DCHS2: variants seen among roughly 807,000 people sequenced by gnomAD.
DCHS2 encodes the protein protocadherin-23.
A neutral mutation model predicts 182.4 loss-of-function variants in DCHS2; 142 were observed. The observed-to-expected ratio is 0.78, with a 90% CI of 0.68 to 0.89. DCHS2 has a LOEUF of 0.89. Ranked by LOEUF, DCHS2 falls within the 40% of genes least tolerant of loss-of-function variation. DCHS2 has a pLI of 0.00. For missense variants in DCHS2, 4,319 were observed against 4,198.6 expected (o/e 1.03, Z -0.79); for synonymous variants, 1,740 against 1,663.3 (o/e 1.05, Z -1.12).
At chr4:154,274,561 T>C (rs937555596) in intron 13 of DCHS2, among the ~76,000 whole-genome samples, 3 of 152,210 alleles carry the variant, frequency 2.0e-5, no homozygotes, top group Non-Finnish European at 2.9e-5. Flanking sequence ...TTAGTTTTGC[T>C]TTGAAAATTT....
chr4:154,296,134 T>C (rs1734913525), intron 13 of DCHS2, among the ~76,000 whole-genome samples: 1 of 151,644 alleles, frequency 6.6e-6, no homozygotes, highest in South Asian at 2.1e-4. Context: ...TCATGGACTA[T>C]GATTGCTGAT....
intron 3 of DCHS2, among the ~76,000 whole-genome samples, chr4:154,351,704 T>G (rs1335673889): frequency 6.6e-6 from 1 of 152,164 alleles, no homozygotes; most frequent in South Asian, 2.1e-4. Context: ...AGGCATTAGT[T>G]AGATTCTCAT....
rs930602312 is a variant in DCHS2, at chr4:154,490,999, G to A, written c.357C>T (p.His119=). 3.9e-6 allele frequency: 6 copies of A among 1,550,358 alleles called. No homozygotes were observed. In the African/African-American group the frequency reaches 8.2e-5, roughly 21 times the overall value. Residue 119 remains histidine, a synonymous_variant, in exon 1 of 20, where the codon CAC becomes CAT. Coordinates refer to ENST00000357232, the MANE Select transcript of DCHS2 (RefSeq NM_001358235.2). ...DSPLLDDFHV[H]PDTGIIRTAR... ...CAGTGCGGATGATGCCGGTGTCCGG[G>A]TGCACGTGGAAGTCGTCCAGCAGCG...
At chr4:154,455,070 C>G (rs1734707879) in intron 1 of DCHS2, among the ~76,000 whole-genome samples, 1 of 152,204 alleles carries the variant, frequency 6.6e-6, no homozygotes, top group South Asian at 2.1e-4. Context: ...TATAAACTTT[C>G]AATTACCTGT....
At chr4:154,293,553 C>T (rs1466029023) in intron 13 of DCHS2, among the ~76,000 whole-genome samples, 4 of 152,122 alleles carry the variant, frequency 2.6e-5, no homozygotes. Flanking sequence ...CAGGTATAAA[C>T]AACCCCCAGG....
intron 1 of DCHS2, among the ~76,000 whole-genome samples, chr4:154,472,590 GA>G (rs1735516272): frequency 6.6e-6 from 1 of 152,168 alleles, no homozygotes; most frequent in Non-Finnish European, 1.5e-5. Context: ...AACTGCAAGA[GA>G]AAGACTCATT....
chr4:154,298,326 G>T lies in DCHS2; in HGVS notation c.5988C>A (p.Asp1996Glu), dbSNP rs1735043189. ...ATGTATGCTGAGATCTGGCTTCACGGTCGAGGGTGTTGCTGGTTTTCAATG... is the reference window on the plus strand; with the variant it reads ...ATGTATGCTGAGATCTGGCTTCACGTTCGAGGGTGTTGCTGGTTTTCAATG... ...SGTLKTSNTL[D>E]REARSQHTFS... Residue 1996 changes from aspartate (D) to glutamate (E), a missense_variant, in exon 13 of 20, where the codon GAC (aspartate) becomes GAA (glutamate). Physicochemically the swap from Asp to Glu is conservative, Grantham distance 45. Coordinates refer to ENST00000357232, the MANE Select transcript of DCHS2 (RefSeq NM_001358235.2). 11 of 1,614,146 alleles carry T rather than the reference G, an allele frequency of 6.8e-6. No individual in the cohort carries two copies. The highest frequency in any genetic ancestry group is 1.1e-5 in the South Asian group (1 of 91,080).
rs768810345 is a variant in DCHS2, at chr4:154,259,506, A to ACACC, written c.6789+38_6789+39insGGTG. The ACACC allele has an allele frequency of 1.3e-4, 196 of 1,520,720 alleles. 1 individual carries two copies. The South Asian group carries it at 2.4e-3, about 19-fold the overall frequency. The allele number at this position is 1,520,720 out of a possible 1,614,324, so 94.2% of individuals were successfully genotyped here. A position where few individuals can be genotyped will look rare whatever the true frequency, so the allele number is the denominator to read the frequency against. ...CTCTCTCACACAGACACACCCACAC[A>ACACC]CACACACACACACACACACACAAAT... On this transcript the variant is annotated intron_variant, in intron 15 of 19. Transcript: ENST00000357232.
chr4:154,345,709 G>T (rs1578991102), intron 3 of DCHS2, among the ~76,000 whole-genome samples: 1 of 152,130 alleles, frequency 6.6e-6, no homozygotes, highest in Non-Finnish European at 1.5e-5. Flanking sequence ...CAAGGACTGT[G>T]TCTGTCTCAT....
chr4:154,240,287 GGACTACAACCTC>G (rs1196972889), intron 18 of DCHS2, among the ~76,000 whole-genome samples: 1 of 141,596 alleles, frequency 7.1e-6, no homozygotes, highest in Non-Finnish European at 1.5e-5. Flanking sequence ...ATGACAAACT[GGACTACAACCTC>G]TAAAAACTAA....
intron 12 of DCHS2, among the ~76,000 whole-genome samples, chr4:154,304,123 A>G (rs1455297146): frequency 6.6e-6 from 1 of 151,628 alleles, no homozygotes; most frequent in Non-Finnish European, 1.5e-5. Context: ...GATGGGAGCC[A>G]TTGGCATCCC....
Position 154,305,231 on chromosome 4 carries a change from CCTT to C in DCHS2, c.5261-3_5261-1del. On this transcript the variant is annotated splice_acceptor_variant and splice_polypyrimidine_tract_variant and intron_variant, in intron 10 of 19. Coordinates refer to ENST00000357232, the MANE Select transcript of DCHS2 (RefSeq NM_001358235.2). LOFTEE classifies it high-confidence loss of function. ...TTCAAACTGAAGCTTGGAATTGACT[CCTT>C]AAGAAAAATATAAAGAAAAACTTAG... The C allele has an allele frequency of 6.2e-7, 1 of 1,601,010 alleles. No individual in the cohort carries two copies. Among genetic ancestry groups the C allele is most frequent in the Non-Finnish European group, 8.5e-7 (1 of 1,176,354 alleles).
intron 1 of DCHS2, among the ~76,000 whole-genome samples, chr4:154,422,369 C>T (rs1733147250): frequency 6.6e-6 from 1 of 152,196 alleles, no homozygotes; most frequent in Non-Finnish European, 1.5e-5. Context: ...TCAAGACATA[C>T]TGGTCAGAAA....
chr4:154,282,290 G>A (rs1578907375), intron 13 of DCHS2, among the ~76,000 whole-genome samples: 1 of 151,950 alleles, frequency 6.6e-6, no homozygotes, highest in African/African-American at 2.4e-5. Context: ...TCTGATGAGA[G>A]GTTAATATCC....
chr4:154,304,940 T>C (rs1229363608), intron 11 of DCHS2, 62 bp from the exon 12 acceptor site: 7 of 1,531,764 alleles, frequency 4.6e-6, no homozygotes, highest in Non-Finnish European at 6.1e-6. Context: ...AAATATGTTG[T>C]TCTAACTAGA....
chr4:154,359,517 A>G (rs1263814059), intron 3 of DCHS2, among the ~76,000 whole-genome samples: 1 of 152,034 alleles, frequency 6.6e-6, no homozygotes, highest in African/African-American at 2.4e-5. Context: ...CATGACCTTC[A>G]ACAGATACGG....
chr4:154,421,944 C>T (rs1467771309), intron 1 of DCHS2, among the ~76,000 whole-genome samples: 1 of 152,218 alleles, frequency 6.6e-6, no homozygotes, highest in Non-Finnish European at 1.5e-5. Context: ...AAAGTTGCTA[C>T]ATCCAATAAA....
At chr4:154,435,665 T>TA (rs1480676624) in intron 1 of DCHS2, among the ~76,000 whole-genome samples, 1 of 151,278 alleles carries the variant, frequency 6.6e-6, no homozygotes, top group Non-Finnish European at 1.5e-5. Flanking sequence ...CTCTGGCCAA[T>TA]AAAAAAAGGG....
chr4:154,255,835 T>C (rs1732639158), intron 15 of DCHS2, among the ~76,000 whole-genome samples, 165 bp from the exon 16 acceptor site: 1 of 152,240 alleles, frequency 6.6e-6, no homozygotes, highest in South Asian at 2.1e-4. Context: ...CATTTAACTT[T>C]ATGATAAACT....
Sources: allele counts gnomAD v4.1 joint callset (sites outside exome capture counted in the v4.1 genomes callset), GRCh38; gene constraint gnomAD v4.1.1; transcripts MANE v1.5; gene names NCBI Gene and HGNC (gene_info 2026-07-23, HGNC 2026-07-21).